MYOZ1: variants seen among roughly 807,000 people sequenced by gnomAD.
The protein encoded by MYOZ1 is myozenin-1.
MYOZ1 carries 20 observed loss-of-function variants against 28.7 expected under a neutral mutation model. The observed-to-expected ratio is 0.70, with a 90% CI of 0.49 to 1.01. The LOEUF (loss-of-function observed/expected upper bound fraction) is 1.01. MYOZ1 is among the 50% of genes least tolerant of loss of function. The pLI is 0.00. For synonymous variants in MYOZ1, 144 were observed against 145.8 expected (o/e 0.99, Z 0.09); for missense variants, 371 against 372.4 (o/e 1.00, Z 0.03).
At chr10:73,635,152 G>C (rs949998578) in intron 3 of MYOZ1, among the ~76,000 whole-genome samples, 5 of 151,678 alleles carry the variant, frequency 3.3e-5, no homozygotes, top group African/African-American at 1.2e-4. Flanking sequence ...CTCAAACTCC[G>C]ACCTCAGATG....
At chr10:73,640,594 G>A (rs1016771191) in intron 1 of MYOZ1, among the ~76,000 whole-genome samples, 1 of 152,168 alleles carries the variant, frequency 6.6e-6, no homozygotes. Context: ...TAGAGTCAGT[G>A]CAGGAATTAG....
chr10:73,633,902 G>A lies in MYOZ1; in HGVS notation c.666C>T (p.Asn222=). 1 of 1,607,468 alleles carries A rather than the reference G, an allele frequency of 6.2e-7. No homozygotes were observed. Among genetic ancestry groups the A allele is most frequent in the Non-Finnish European group, 8.5e-7 (1 of 1,176,754 alleles). Residue 222 remains asparagine, a splice_region_variant and synonymous_variant, in exon 5 of 6, where the codon AAC becomes AAT. Coordinates refer to ENST00000359322, the MANE Select transcript of MYOZ1 (RefSeq NM_021245.4). ...KAELPKYKSF[N]RTAMPYGGYE... ...GGTTCCTTCCTCACCACCCCTACCT[G>A]TTGAAGGACTTATATTTGGGAAGTT...
At position 73,631,864 on chromosome 10, in the gene MYOZ1, C is replaced by G; in HGVS notation, c.*66G>C. ...CTGGATTAACAATGGGGGCTATCTGCTCAGCATTCCCTCTCCAAATTGGAG... is the reference window on the plus strand; with the variant it reads ...CTGGATTAACAATGGGGGCTATCTGGTCAGCATTCCCTCTCCAAATTGGAG... On this transcript the variant is annotated 3_prime_UTR_variant, in exon 6 of 6. Coordinates refer to ENST00000359322, the MANE Select transcript of MYOZ1 (RefSeq NM_021245.4). 7.2e-7 allele frequency: 1 copy of G among 1,391,010 alleles called. No individual in the cohort carries two copies. Among genetic ancestry groups the G allele is most frequent in the East Asian group, 2.3e-5 (1 of 43,324 alleles). The allele number at this position is 1,391,010 out of a possible 1,614,324, so 86.2% of individuals were successfully genotyped here.
chr10:73,635,349 C>T (rs958864151), intron 3 of MYOZ1, among the ~76,000 whole-genome samples: 7 of 151,640 alleles, frequency 4.6e-5, no homozygotes, highest in East Asian at 1.9e-4. Context: ...AAGACCAACA[C>T]GCCTGCCCAG....
At chr10:73,633,428 G>A (rs1051455383) in intron 5 of MYOZ1, among the ~76,000 whole-genome samples, 5 of 151,932 alleles carry the variant, frequency 3.3e-5, no homozygotes, top group Non-Finnish European at 5.9e-5. Flanking sequence ...AATGTTATTC[G>A]CATTTAACAT....
intron 4 of MYOZ1, among the ~76,000 whole-genome samples, 180 bp from the exon 5 acceptor site, chr10:73,634,245 C>T (rs1314984762): frequency 1.3e-5 from 2 of 151,908 alleles, no homozygotes; most frequent in African/African-American, 2.4e-5. Context: ...TGACTGAATC[C>T]GAAAAGCCAG....
chr10:73,634,411 C>T lies in MYOZ1; in HGVS notation c.502+73G>A, dbSNP rs983579177. ...ACTGACCTCCTCTGCTCCCCACACT[C>T]AGCGTAGACATCATTCCTGGGACAA... On this transcript the variant is annotated intron_variant, in intron 4 of 5. Transcript: ENST00000359322. 7 of 1,567,030 alleles carry T rather than the reference C, an allele frequency of 4.5e-6. No individual in the cohort carries two copies. In the African/African-American group the frequency reaches 9.5e-5, roughly 21 times the overall value.
At chr10:73,634,982 T>G (rs2081658760) in intron 3 of MYOZ1, among the ~76,000 whole-genome samples, 1 of 152,174 alleles carries the variant, frequency 6.6e-6, no homozygotes, top group African/African-American at 2.4e-5. Context: ...TGGAGTGTGA[T>G]GGCACGATCT....
intron 5 of MYOZ1, among the ~76,000 whole-genome samples, chr10:73,633,112 C>A (rs1445355735): frequency 6.6e-6 from 1 of 151,814 alleles, no homozygotes; most frequent in South Asian, 2.1e-4. Flanking sequence ...GCCTGGTCAA[C>A]ATGGTGAAAC....
Position 73,631,666 on chromosome 10 carries a change from G to C in MYOZ1, c.*264C>G, listed in dbSNP as rs373726152. 3 of 426,820 alleles carry C rather than the reference G, an allele frequency of 7.0e-6. No individual in the cohort carries two copies. Among genetic ancestry groups the C allele is most frequent in the East Asian group, 4.3e-5 (1 of 23,402 alleles). 26.4% of individuals were successfully genotyped at this position (426,820 alleles called of 1,614,324 possible). The stretch of plus-strand genomic sequence containing the variant: ...AAGGAAGAATGAGTTCATTTTCCTT[G>C]AAGTTTATTGACTGTTACTGGTGGC... On this transcript the variant is annotated 3_prime_UTR_variant, in exon 6 of 6. Transcript: ENST00000359322.
intron 4 of MYOZ1, 76 bp from the exon 5 acceptor site, chr10:73,634,141 C>A: frequency 1.3e-6 from 2 of 1,530,894 alleles, no homozygotes; most frequent in South Asian, 2.4e-5. Context: ...CACGCCCCTA[C>A]ACTAGGGAAA....
intron 4 of MYOZ1, among the ~76,000 whole-genome samples, 181 bp downstream of exon 4, chr10:73,634,303 A>G (rs1416780903): frequency 1.3e-5 from 2 of 152,250 alleles, no homozygotes; most frequent in African/African-American, 4.8e-5. Flanking sequence ...ACACATCTCT[A>G]TATACTCCTG....
chr10:73,639,809 C>G (rs1589447275), intron 2 of MYOZ1, 136 bp downstream of exon 2: 1 of 767,334 alleles, frequency 1.3e-6, no homozygotes, highest in East Asian at 2.7e-5. Context: ...AATCTTCCCT[C>G]TCCCACTCCC....
Position 73,634,533 on chromosome 10 carries a change from A to G in MYOZ1, c.453T>C (p.Ala151=), listed in dbSNP as rs1380514770. 3 of 1,613,990 alleles carry G rather than the reference A, an allele frequency of 1.9e-6. No homozygotes were observed. Among genetic ancestry groups the G allele is most frequent in the African/African-American group, 1.3e-5 (1 of 74,986 alleles). Residue 151 remains alanine (A), a synonymous_variant, in exon 4 of 6, where the codon GCT becomes GCC. Transcript: ENST00000359322. ...AGGTGGPAGQ[A]GRGGAAGTAG... is the part of the protein sequence containing the mutation. Reference sequence around the variant, plus strand: ...CTGTGCCAGCAGCTCCTCCTCTGCCAGCCTGGCCCGCGGGACCACCTGTAC... The same window carrying G: ...CTGTGCCAGCAGCTCCTCCTCTGCCGGCCTGGCCCGCGGGACCACCTGTAC...
intron 3 of MYOZ1, among the ~76,000 whole-genome samples, chr10:73,637,372 A>G (rs976029131): frequency 3.3e-5 from 5 of 152,152 alleles, no homozygotes; most frequent in African/African-American, 9.7e-5. Flanking sequence ...CAAATATTGC[A>G]TGGAGCATAC....
At chr10:73,640,150 T>G in intron 1 of MYOZ1, 115 bp from the exon 2 acceptor site, 1 of 692,028 alleles carries the variant, frequency 1.4e-6, no homozygotes, top group Non-Finnish European at 2.3e-6. Context: ...GACAAAAAAA[T>G]TTTTTTTTCT....
At chr10:73,639,872 T>C in intron 2 of MYOZ1, 73 bp downstream of exon 2, 1 of 1,453,868 alleles carries the variant, frequency 6.9e-7, no homozygotes, top group Non-Finnish European at 9.6e-7. Context: ...CCCTAAGATA[T>C]ATATTTCTGG....
In MYOZ1 at chr10:73,632,069, G is replaced by T; in HGVS notation, c.761C>A (p.Pro254His). ...GAGGTTTTGGTTGTAGAGGACCAGG[G>T]GTTCACTCAGCAAGGGCCCCAGGTC... ...KFDLGPLLSE[P>H]LVLYNQNLSN... The change falls in exon 6 of 6, where the codon CCC becomes CAC. Residue 254 changes from proline to histidine, a missense_variant. By Grantham distance (77) the Pro-to-His change is moderately conservative (BLOSUM62 -2). Coordinates refer to ENST00000359322, the MANE Select transcript of MYOZ1 (RefSeq NM_021245.4). 1.2e-6 allele frequency: 2 copies of T among 1,614,166 alleles called. No homozygotes were observed. Among genetic ancestry groups the T allele is most frequent in the South Asian group, 1.1e-5 (1 of 91,076 alleles).
At chr10:73,640,930 G>A (rs1176116695) in intron 1 of MYOZ1, among the ~76,000 whole-genome samples, 1 of 152,162 alleles carries the variant, frequency 6.6e-6, no homozygotes, top group Non-Finnish European at 1.5e-5. Flanking sequence ...ACCCCAGAGT[G>A]GAGGCAGGTG....
Sources: allele counts gnomAD v4.1 joint callset (sites outside exome capture counted in the v4.1 genomes callset), GRCh38; gene constraint gnomAD v4.1.1; transcripts MANE v1.5; gene names NCBI Gene and HGNC (gene_info 2026-07-23, HGNC 2026-07-21).